Variants in CFAP299 observed in about 807,000 individuals in gnomAD.
CFAP299 encodes cilia- and flagella-associated protein 299.
In CFAP299, 21 loss-of-function variants were observed where a neutral mutation model predicts 27.0. The ratio of observed to expected loss-of-function variants is 0.78; its 90% CI spans 0.55 to 1.12. The LOEUF (loss-of-function observed/expected upper bound fraction) is 1.12. Among genes scored for constraint, CFAP299 ranks in the 50% most tolerant of loss-of-function variants. The pLI, the probability that CFAP299 is intolerant of heterozygous loss-of-function variation, is 0.00. For synonymous variants in CFAP299, 104 were observed against 98.1 expected, an observed-to-expected ratio of 1.06 and a Z score of -0.36; for missense variants, 310 against 276.6, an observed-to-expected ratio of 1.12 and a Z score of -0.86.
At chr4:80,779,710 C>T (rs886970697) in intron 3 of CFAP299, among the ~76,000 whole-genome samples, 19 of 151,974 alleles carry the variant, frequency 1.3e-4, no homozygotes, top group Admixed American at 7.9e-4. Flanking sequence ...TCTCCTCATG[C>T]ACTGGCATAC....
At chr4:80,602,420 A>G (rs1313215659) in intron 3 of CFAP299, among the ~76,000 whole-genome samples, 1 of 152,168 alleles carries the variant, frequency 6.6e-6, no homozygotes, top group Non-Finnish European at 1.5e-5. Flanking sequence ...CATGGAAAGG[A>G]AGAGTCCAAA....
intron 3 of CFAP299, among the ~76,000 whole-genome samples, chr4:80,585,869 G>A (rs1736410324): frequency 1.3e-5 from 2 of 152,148 alleles, no homozygotes; most frequent in Admixed American, 1.3e-4. Flanking sequence ...GATAAAGATA[G>A]ATTGAGTGAT....
At chr4:80,445,896 G>A (rs760730927) in intron 2 of CFAP299, among the ~76,000 whole-genome samples, 2 of 152,178 alleles carry the variant, frequency 1.3e-5, no homozygotes, top group Non-Finnish European at 2.9e-5. Flanking sequence ...ATAAATAACT[G>A]AGTTGGCATT....
chr4:80,864,976 A>G (rs1200004569), intron 3 of CFAP299, among the ~76,000 whole-genome samples: 1 of 152,184 alleles, frequency 6.6e-6, no homozygotes, highest in Non-Finnish European at 1.5e-5. Flanking sequence ...TGACAGAGCC[A>G]GCATTTGAAT....
intron 3 of CFAP299, among the ~76,000 whole-genome samples, chr4:80,763,776 G>C (rs1435374859): frequency 1.3e-5 from 2 of 152,034 alleles, no homozygotes; most frequent in Non-Finnish European, 2.9e-5. Flanking sequence ...CAATGAAACA[G>C]AACAGAGGCC....
At chr4:80,631,258 C>T (rs926025712) in intron 3 of CFAP299, among the ~76,000 whole-genome samples, 1 of 151,766 alleles carries the variant, frequency 6.6e-6, no homozygotes, top group African/African-American at 2.4e-5. Context: ...TTATAAGAAA[C>T]ATTTGTTGGT....
At chr4:80,807,061 G>A (rs973902932) in intron 3 of CFAP299, among the ~76,000 whole-genome samples, 1 of 152,102 alleles carries the variant, frequency 6.6e-6, no homozygotes, top group African/African-American at 2.4e-5. Flanking sequence ...CAGATATAAA[G>A]TTGCACTAAG....
At position 80,920,018 on chromosome 4, in the gene CFAP299, C is replaced by A. The variant is rs139119270; in HGVS notation, c.477-24792C>A. On this transcript the variant is annotated intron_variant, in intron 4 of 5. Transcript: ENST00000358105. ...CTTAGTGAAAATCTAGAGCTGCAACCTCCTCTATGCAAAGTACTACTCCTG... is the reference window on the plus strand; with the variant it reads ...CTTAGTGAAAATCTAGAGCTGCAACATCCTCTATGCAAAGTACTACTCCTG... 5.8e-3 allele frequency among the ~76,000 whole-genome samples: 877 copies of A among 152,198 alleles called. 11 individuals are homozygous for A. Among genetic ancestry groups the A allele is most frequent in the South Asian group, 0.048 (233 of 4,828 alleles).
intron 4 of CFAP299, among the ~76,000 whole-genome samples, chr4:80,922,270 T>G (rs1736084121): frequency 6.6e-6 from 1 of 152,078 alleles, no homozygotes; most frequent in African/African-American, 2.4e-5. Context: ...ATATTATTAT[T>G]TTGTATGTAT....
intron 3 of CFAP299, among the ~76,000 whole-genome samples, chr4:80,791,624 G>A (rs557572419): frequency 2.0e-5 from 3 of 152,090 alleles, no homozygotes; most frequent in South Asian, 4.1e-4. Context: ...TGCAGAGGGA[G>A]TAAAATTCAT....
At chr4:80,947,231 C>T (rs1737521639) in intron 5 of CFAP299, among the ~76,000 whole-genome samples, 1 of 151,978 alleles carries the variant, frequency 6.6e-6, no homozygotes, top group Non-Finnish European at 1.5e-5. Context: ...TTTTCCAACT[C>T]TTGAATAAAG....
intron 2 of CFAP299, among the ~76,000 whole-genome samples, chr4:80,439,955 AC>A (rs891162399): frequency 6.6e-6 from 1 of 151,938 alleles, no homozygotes; most frequent in African/African-American, 2.4e-5. Flanking sequence ...ACTGGGCGGA[AC>A]CCCCAACAGC....
intron 3 of CFAP299, among the ~76,000 whole-genome samples, chr4:80,799,707 A>T (rs866061209): frequency 1.9e-5 from 1 of 53,668 alleles, no homozygotes; most frequent in Non-Finnish European, 3.0e-5. Context: ...TAAAATATAT[A>T]TTTTATATAT....
At chr4:80,394,484 A>G (rs553265495) in intron 2 of CFAP299, among the ~76,000 whole-genome samples, 60 of 151,732 alleles carry the variant, frequency 4.0e-4, no homozygotes, top group African/African-American at 1.4e-3. Flanking sequence ...GGACTTATCT[A>G]AGAATTTATT....
intron 3 of CFAP299, among the ~76,000 whole-genome samples, chr4:80,644,254 A>G (rs1377770423): frequency 6.6e-6 from 1 of 152,192 alleles, no homozygotes; most frequent in Non-Finnish European, 1.5e-5. Flanking sequence ...ATGAAAAACA[A>G]TATAAAAGGA....
At chr4:80,766,086 A>G (rs1725846006) in intron 3 of CFAP299, among the ~76,000 whole-genome samples, 1 of 152,134 alleles carries the variant, frequency 6.6e-6, no homozygotes, top group Non-Finnish European at 1.5e-5. Context: ...CAATAAGTTA[A>G]CTGCAGGATA....
intron 3 of CFAP299, among the ~76,000 whole-genome samples, chr4:80,598,344 T>C (rs1737162374): frequency 6.6e-6 from 1 of 152,238 alleles, no homozygotes; most frequent in Admixed American, 6.5e-5. Flanking sequence ...GAAATGTACC[T>C]ACAATTGTAT....
intron 4 of CFAP299, among the ~76,000 whole-genome samples, chr4:80,893,870 G>A (rs965304150): frequency 5.9e-5 from 9 of 151,792 alleles, no homozygotes; most frequent in Non-Finnish European, 1.2e-4. Flanking sequence ...AAATGGAATT[G>A]CATCTAACAA....
chr4:80,720,530 A>G (rs778544700), intron 3 of CFAP299, among the ~76,000 whole-genome samples: 2 of 152,176 alleles, frequency 1.3e-5, no homozygotes, highest in African/African-American at 2.4e-5. Context: ...GATTGGTTAT[A>G]AGTAATCTTA....
Sources: allele counts gnomAD v4.1 joint callset (sites outside exome capture counted in the v4.1 genomes callset), GRCh38; gene constraint gnomAD v4.1.1; transcripts MANE v1.5; gene names NCBI Gene and HGNC (gene_info 2026-07-23, HGNC 2026-07-21).